Variants in LRRC37A3 observed in about 807,000 individuals in gnomAD.
LRRC37A3 encodes the protein leucine rich repeat containing 37 member A3.
Under a neutral mutation model 106.2 loss-of-function variants are expected in LRRC37A3, and 25 were observed. The ratio of observed to expected loss-of-function variants is 0.24; its 90% confidence interval spans 0.17 to 0.33. The LOEUF (loss-of-function observed/expected upper bound fraction) is 0.33. Ranked by LOEUF, LRRC37A3 falls within the 10% of genes least tolerant of loss-of-function variation. The pLI is 1.00. For missense variants in LRRC37A3, 712 were observed against 1,644.9 expected (o/e 0.43, Z 9.81); for synonymous variants, 305 against 635.8 (o/e 0.48, Z 7.83).
intron 2 of LRRC37A3, chr17:64,910,066 T>A (rs1248979209): frequency 5.9e-5 from 9 of 152,282 alleles, no homozygotes; most frequent in Non-Finnish European, 1.3e-4. Flanking sequence ...TTCTCTGAAC[T>A]GTCTGGATGA....
intron 8 of LRRC37A3, among the ~76,000 whole-genome samples, chr17:64,873,257 C>T (rs941822823): frequency 2.0e-5 from 3 of 148,836 alleles, no homozygotes; most frequent in Non-Finnish European, 4.5e-5. Context: ...ATGGCCCAAA[C>T]ACGTGGTTGG....
At chr17:64,881,499 T>C (rs916367411) in intron 8 of LRRC37A3, among the ~76,000 whole-genome samples, 40 of 131,526 alleles carry the variant, frequency 3.0e-4, no homozygotes, top group Admixed American at 3.2e-4. Context: ...CCACCCACCT[T>C]GGCCTCCCAA....
At position 64,860,167 on chromosome 17, in the gene LRRC37A3, C is replaced by T; in HGVS notation, c.3979G>A (p.Val1327Ile). Reference protein sequence around the residue: ...RTPKVKKSPKVRKKSYLSRLM... With the variant: ...RTPKVKKSPKIRKKSYLSRLM... ...CTACTCAGATAACTTTTCTTTCTGA[C>T]CTTTGGACTCTTTTTGACCTTGGGT... is the stretch of plus-strand genomic sequence containing the variant. The change falls in exon 12 of 15, where the codon GTC (valine) becomes ATC (isoleucine). Residue 1327 changes from valine (V) to isoleucine (I), a missense_variant. Physicochemically the swap from Val to Ile is conservative, Grantham distance 29 (BLOSUM62 3). Coordinates refer to ENST00000584306, the MANE Select transcript of LRRC37A3 (RefSeq NM_199340.5). 5.6e-6 allele frequency: 9 copies of T among 1,613,944 alleles called. No homozygotes were observed. The highest frequency in any genetic ancestry group is 7.6e-6 in the Non-Finnish European group (9 of 1,179,878).
intron 8 of LRRC37A3, among the ~76,000 whole-genome samples, chr17:64,881,697 AT>A (rs1203158271): frequency 3.3e-5 from 5 of 149,924 alleles, no homozygotes; most frequent in South Asian, 2.1e-4. Flanking sequence ...GACTTGAGTA[AT>A]GAACATGAGC....
At chr17:64,874,459 C>T (rs1382892587) in intron 8 of LRRC37A3, among the ~76,000 whole-genome samples, 3 of 151,342 alleles carry the variant, frequency 2.0e-5, no homozygotes, top group Admixed American at 6.6e-5. Context: ...GGCCAGCCGC[C>T]CCATCCGGGA....
chr17:64,890,790 C>T (rs997567943), intron 5 of LRRC37A3, among the ~76,000 whole-genome samples: 1 of 143,688 alleles, frequency 7.0e-6, no homozygotes, highest in Admixed American at 6.7e-5. Flanking sequence ...CAAGATCGCA[C>T]CATTGCACTC....
intron 10 of LRRC37A3, among the ~76,000 whole-genome samples, chr17:64,865,809 T>C (rs1025086978): frequency 1.3e-5 from 2 of 152,204 alleles, no homozygotes; most frequent in Admixed American, 6.5e-5. Context: ...ATTGTCCCAA[T>C]CATAACATGG....
At chr17:64,872,673 A>G (rs1234881540) in intron 8 of LRRC37A3, among the ~76,000 whole-genome samples, 2 of 152,222 alleles carry the variant, frequency 1.3e-5, no homozygotes, top group Non-Finnish European at 2.9e-5. Context: ...AAAGCTTAAT[A>G]GGAAAAGCTG....
chr17:64,890,830 C>G (rs1973933115), intron 5 of LRRC37A3, among the ~76,000 whole-genome samples: 1 of 126,078 alleles, frequency 7.9e-6, no homozygotes, highest in Non-Finnish European at 1.6e-5. Flanking sequence ...AAAATTCCAT[C>G]TGAAAAAATA....
intron 8 of LRRC37A3, among the ~76,000 whole-genome samples, chr17:64,876,391 C>A (rs533664882): frequency 6.6e-6 from 1 of 152,130 alleles, no homozygotes; most frequent in Middle Eastern, 3.4e-3. Context: ...CAGTATGTTG[C>A]CCTGGCTGGC....
chr17:64,859,944 A>T lies in LRRC37A3; in HGVS notation c.4202T>A (p.Val1401Asp). The change falls in exon 12 of 15, where the codon GTT (valine) becomes GAT (aspartate). Residue 1401 changes from valine (V) to aspartate (D), a missense_variant. Val to Asp is a radical substitution (Grantham distance 152). Coordinates refer to ENST00000584306, the MANE Select transcript of LRRC37A3 (RefSeq NM_199340.5). ...TGGCATGTTAGTGTTTTCCATAAAA[A>T]CATTTTCTTCAAAGGCATTTCTTGC... ...TTARNAFEEN[V>D]FMENTNMPEG... 6.2e-7 allele frequency: 1 copy of T among 1,613,772 alleles called. No individual in the cohort carries two copies. The highest frequency in any genetic ancestry group is 8.5e-7 in the Non-Finnish European group (1 of 1,179,864).
chr17:64,875,754 A>G (rs951162133), intron 8 of LRRC37A3, among the ~76,000 whole-genome samples: 1 of 152,052 alleles, frequency 6.6e-6, no homozygotes. Context: ...GTGCCACTGC[A>G]CTCTAGCCTG....
chr17:64,916,635 C>T (rs1231465882), intron 2 of LRRC37A3, among the ~76,000 whole-genome samples: 1 of 133,890 alleles, frequency 7.5e-6, no homozygotes, highest in Admixed American at 7.3e-5. Context: ...AAAAAAAAAA[C>T]TAGCCAGGTG....
intron 8 of LRRC37A3, among the ~76,000 whole-genome samples, chr17:64,879,542 G>C (rs1404225939): frequency 6.6e-6 from 1 of 152,128 alleles, no homozygotes; most frequent in African/African-American, 2.4e-5. Flanking sequence ...TGGTTTTTCA[G>C]TGCCATTAAC....
At chr17:64,917,103 G>T (rs1405292867) in intron 2 of LRRC37A3, among the ~76,000 whole-genome samples, 1 of 151,644 alleles carries the variant, frequency 6.6e-6, no homozygotes. Flanking sequence ...AAAATTAGCC[G>T]GGCGTGGTGG....
chr17:64,862,195 T>C (rs1338059719), intron 11 of LRRC37A3, among the ~76,000 whole-genome samples: 1 of 152,048 alleles, frequency 6.6e-6, no homozygotes, highest in African/African-American at 2.4e-5. Context: ...CACTGGTAGA[T>C]ACCTGTATTC....
intron 8 of LRRC37A3, among the ~76,000 whole-genome samples, chr17:64,869,661 C>G (rs1175116017): frequency 6.6e-6 from 1 of 150,384 alleles, no homozygotes; most frequent in East Asian, 1.9e-4. Context: ...CTGCCTCAGC[C>G]TTCCGAGTAG....
chr17:64,868,571 C>A, intron 9 of LRRC37A3, 35 bp from the exon 10 acceptor site: 2 of 1,572,372 alleles, frequency 1.3e-6, no homozygotes, highest in Middle Eastern at 1.7e-4. Context: ...ATGATATGAG[C>A]CCCAATAAAA....
At position 64,881,797 on chromosome 17, in the gene LRRC37A3, C is replaced by T. The variant is rs555625338; in HGVS notation, c.2906+4289G>A. ...CCTAGCAATGCGCTGGACACAGTGC[C>T]GGTGCTCAGCCATCATGTCACACCA... On this transcript the variant is annotated intron_variant, in intron 8 of 14. Transcript: ENST00000584306. 3.1e-3 allele frequency among the ~76,000 whole-genome samples: 471 copies of T among 150,724 alleles called. 2 individuals carry two copies. The highest frequency in any genetic ancestry group is 0.01 in the Middle Eastern group (3 of 294).
Sources: allele counts gnomAD v4.1 joint callset (sites outside exome capture counted in the v4.1 genomes callset), GRCh38; gene constraint gnomAD v4.1.1; transcripts MANE v1.5; gene names NCBI Gene and HGNC (gene_info 2026-07-23, HGNC 2026-07-21).